NPTX1: variants seen among roughly 807,000 people sequenced by gnomAD.
NPTX1 encodes neuronal pentraxin 1.
A neutral mutation model predicts 38.7 loss-of-function variants in NPTX1; 12 were observed. That is an observed-to-expected ratio of 0.31 (90% CI 0.20 to 0.50). The LOEUF is 0.50. NPTX1 is among the 20% of genes least tolerant of loss of function. The pLI is 0.98. For missense variants in NPTX1, 454 were observed against 592.2 expected (o/e 0.77, Z 2.42); for synonymous variants, 272 against 264.9 (o/e 1.03, Z -0.26).
intron 3 of NPTX1, among the ~76,000 whole-genome samples, chr17:80,472,474 G>A (rs1245988125): frequency 2.0e-5 from 3 of 152,194 alleles, no homozygotes; most frequent in African/African-American, 4.8e-5. Flanking sequence ...TCCAGGTCGG[G>A]AGGATGACGG....
chr17:80,471,571 G>A (rs1439280886), intron 4 of NPTX1, among the ~76,000 whole-genome samples, 161 bp downstream of exon 4: 3 of 152,222 alleles, frequency 2.0e-5, no homozygotes, highest in African/African-American at 7.2e-5. Context: ...AAGTTCAAGT[G>A]CATGTCCACC....
rs2083826781 is a variant in NPTX1 at position 80,469,533 on chromosome 17, G to A, written c.*1280C>T. 1 of 152,416 alleles carries A rather than the reference G, an allele frequency of 6.6e-6. No individual in the cohort carries two copies. The highest frequency in any genetic ancestry group is 2.1e-4 in the South Asian group (1 of 4,834). The allele number at this position is 152,416 out of a possible 1,614,324, so 9.4% of individuals were successfully genotyped here. On this transcript the variant is annotated 3_prime_UTR_variant, in exon 5 of 5. Transcript: ENST00000306773. The stretch of plus-strand genomic sequence containing the variant: ...GCTCAGGTGTCAGTGTCGCCGGCCA[G>A]TGGCAGCTTGTGGGCTGCTGTAGGC...
chr17:80,471,855 G>T lies in NPTX1; in HGVS notation c.954C>A (p.Thr318=), dbSNP rs768187298. Residue 318 remains threonine (T), a synonymous_variant, in exon 4 of 5, where the codon ACC becomes ACA. Coordinates refer to ENST00000306773, the MANE Select transcript of NPTX1 (RefSeq NM_002522.4). ...CCCAGACCCCGTCCCGGGTGGTCCA[G>T]GTGACACAGATGTGGTGCCACTTGC... The part of the protein sequence containing the change: ...NDGKWHHICV[T]WTTRDGVWEA... 1 of 1,613,700 alleles carries T rather than the reference G, an allele frequency of 6.2e-7. No homozygotes were observed.
rs1445274279 is a variant in NPTX1 at position 80,469,508 on chromosome 17, G to T, written c.*1305C>A. The T allele has an allele frequency of 6.6e-6, 1 of 152,306 alleles. No homozygotes were observed. Among genetic ancestry groups the T allele is most frequent in the Non-Finnish European group, 1.5e-5 (1 of 68,064 alleles). The allele number at this position is 152,306 out of a possible 1,614,324, so 9.4% of individuals were successfully genotyped here. A position where few individuals can be genotyped will look rare whatever the true frequency, so the allele number is the denominator to read the frequency against. Reference sequence around the variant, plus strand: ...AAAAGGCAAAAAGGTTCTGGACACTGCTCAGGTGTCAGTGTCGCCGGCCAG... The same window carrying T: ...AAAAGGCAAAAAGGTTCTGGACACTTCTCAGGTGTCAGTGTCGCCGGCCAG... On this transcript the variant is annotated 3_prime_UTR_variant, in exon 5 of 5. Coordinates refer to ENST00000306773, the MANE Select transcript of NPTX1 (RefSeq NM_002522.4).
intron 3 of NPTX1, 55 bp from the exon 4 acceptor site, chr17:80,471,966 G>A: frequency 6.7e-7 from 1 of 1,487,510 alleles, no homozygotes; most frequent in Non-Finnish European, 9.0e-7. Flanking sequence ...CAGCCCAGAA[G>A]CCATAATCTT....
chr17:80,469,691 G>C lies in NPTX1; in HGVS notation c.*1122C>G, dbSNP rs977552717. The stretch of plus-strand genomic sequence containing the variant: ...ACCTGGCGCCTGGTGTGCTGGGAGG[G>C]ATATGGCTGTCAAAGTCCCCCAAAA... On this transcript the variant is annotated 3_prime_UTR_variant, in exon 5 of 5. Transcript: ENST00000306773. 2 of 152,300 alleles carry C rather than the reference G, an allele frequency of 1.3e-5. No homozygotes were observed. The highest frequency in any genetic ancestry group is 4.8e-5 in the African/African-American group (2 of 41,476). 9.4% of individuals were successfully genotyped at this position (152,300 alleles called of 1,614,324 possible).
At position 80,467,424 on chromosome 17, in the gene NPTX1, A is replaced by T. The variant is rs1363387637; in HGVS notation, c.*3389T>A. The T allele has an allele frequency of 6.6e-6, 1 of 152,506 alleles. No homozygotes were observed. Among genetic ancestry groups the T allele is most frequent in the Admixed American group, 6.5e-5 (1 of 15,284 alleles). 9.4% of individuals were successfully genotyped at this position (152,506 alleles called of 1,614,324 possible). ...TATCAAGGTTAGAACTGATATTCAA[A>T]TCCTCGGCTCATTCCACTTAGTAAG... On this transcript the variant is annotated 3_prime_UTR_variant, in exon 5 of 5. Transcript: ENST00000306773.
rs756269593 is a variant in NPTX1 at position 80,471,795 on chromosome 17, G to A, written c.1014C>T (p.Gly338=). 5.0e-6 allele frequency: 8 copies of A among 1,613,282 alleles called. No homozygotes were observed. The highest frequency in any genetic ancestry group is 1.6e-4 in the Middle Eastern group (1 of 6,082). Residue 338 remains glycine, a synonymous_variant, in exon 4 of 5, where the codon GGC becomes GGT. Transcript: ENST00000306773. Reference sequence around the variant, plus strand: ...TGGGGTGATAGGGCGCCAAGTTCTCGCCACTGCCACCCTGCGTGCCATCCT... The same window carrying A: ...TGGGGTGATAGGGCGCCAAGTTCTCACCACTGCCACCCTGCGTGCCATCCT... ...AYQDGTQGGS[G]ENLAPYHPIK...
chr17:80,476,111 G>T lies in NPTX1; in HGVS notation c.336C>A (p.Gly112=), dbSNP rs746710471. The change falls in exon 1 of 5, where the codon GGC becomes GGA. Residue 112 remains glycine (G), a synonymous_variant. Coordinates refer to ENST00000306773, the MANE Select transcript of NPTX1 (RefSeq NM_002522.4). The surrounding 1 kb of genome is among the most constrained non-coding windows in gnomAD (Gnocchi z 6.3). ...ARAGGGRKQP[G]SGKNTMGDLS... ...GGTCGCCCATGGTGTTCTTGCCCGA[G>T]CCGGGCTGCTTGCGGCCGCCGCCCG... The T allele has an allele frequency of 1.2e-6, 2 of 1,602,282 alleles. No individual in the cohort carries two copies. The highest frequency in any genetic ancestry group is 1.7e-6 in the Non-Finnish European group (2 of 1,176,940).
chr17:80,473,696 T>C (rs12938028), intron 2 of NPTX1: 264,542 of 516,424 alleles, frequency 0.51, 69,269 homozygotes, highest in Admixed American at 0.61. Context: ...CTGGCATCCT[T>C]GGGGAGATGG....
At chr17:80,471,968 C>T in intron 3 of NPTX1, 57 bp from the exon 4 acceptor site, 2 of 1,471,150 alleles carry the variant, frequency 1.4e-6, no homozygotes, top group Non-Finnish European at 1.8e-6. Flanking sequence ...GCCCAGAAGC[C>T]ATAATCTTCA....
chr17:80,471,985 C>T, intron 3 of NPTX1, 74 bp from the exon 4 acceptor site: 6 of 1,314,842 alleles, frequency 4.6e-6, no homozygotes, highest in Non-Finnish European at 5.2e-6. Flanking sequence ...TTCACTGCCT[C>T]AGTTGTTCCT....
Position 80,473,302 on chromosome 17 carries a change from T to C in NPTX1, c.795A>G (p.Pro265=). The change falls in exon 3 of 5, where the codon CCA becomes CCG. Residue 265 remains proline, a synonymous_variant. Transcript: ENST00000306773. ...VCMWLKSSAT[P]GVGTPFSYAV... ...CGTAGGAGAAGGGCGTGCCCACACCTGGCGTGGCGCTGGACTTGAGCCACA... is the reference window on the plus strand; with the variant it reads ...CGTAGGAGAAGGGCGTGCCCACACCCGGCGTGGCGCTGGACTTGAGCCACA... 1.2e-6 allele frequency: 2 copies of C among 1,614,010 alleles called. No homozygotes were observed. The highest frequency in any genetic ancestry group is 1.3e-5 in the African/African-American group (1 of 75,060).
At position 80,473,362 on chromosome 17, in the gene NPTX1, C is replaced by T. The variant is rs1448721586; in HGVS notation, c.735G>A (p.Lys245=). 1 of 1,614,088 alleles carries T rather than the reference C, an allele frequency of 6.2e-7. No individual in the cohort carries two copies. The highest frequency in any genetic ancestry group is 2.2e-5 in the East Asian group (1 of 44,878). The change falls in exon 3 of 5, where the codon AAG becomes AAA. Residue 245 remains lysine, a synonymous_variant. Coordinates refer to ENST00000306773, the MANE Select transcript of NPTX1 (RefSeq NM_002522.4). ...RTNYMYAKVK[K]SLPEMYAFTV... is the part of the protein sequence containing the mutation. ...TGAAGGCGTACATCTCTGGCAGGCT[C>T]TTCTTCACCTTGGCATACATATAGT...
chr17:80,471,701 C>T (rs2083843225), intron 4 of NPTX1, 31 bp downstream of exon 4: 1 of 1,587,904 alleles, frequency 6.3e-7, no homozygotes, highest in Admixed American at 1.7e-5. Flanking sequence ...CTGAAGCTCT[C>T]TCCCCTTCCC....
Position 80,467,435 on chromosome 17 carries a change from A to G in NPTX1, c.*3378T>C, listed in dbSNP as rs1463680583. 1 of 152,594 alleles carries G rather than the reference A, an allele frequency of 6.6e-6. No individual in the cohort carries two copies. Among genetic ancestry groups the G allele is most frequent in the Non-Finnish European group, 1.5e-5 (1 of 68,042 alleles). The allele number at this position is 152,594 out of a possible 1,614,324, so 9.5% of individuals were successfully genotyped here. The stretch of plus-strand genomic sequence containing the variant: ...GAACTGATATTCAAATCCTCGGCTC[A>G]TTCCACTTAGTAAGTCAGCTCCAAG... On this transcript the variant is annotated 3_prime_UTR_variant, in exon 5 of 5. Transcript: ENST00000306773.
At chr17:80,474,020 G>A (rs1039644873) in intron 2 of NPTX1, 3 of 156,638 alleles carry the variant, frequency 1.9e-5, no homozygotes, top group African/African-American at 7.2e-5. Context: ...TGTGAGGCTG[G>A]GCAGCTCCCC....
rs527273166 is a variant in NPTX1 at position 80,470,631 on chromosome 17, C to A, written c.*182G>T. 5.5e-6 allele frequency: 3 copies of A among 549,588 alleles called. No homozygotes were observed. The highest frequency in any genetic ancestry group is 9.8e-6 in the Non-Finnish European group (3 of 306,766). The allele number at this position is 549,588 out of a possible 1,614,324, so 34.0% of individuals were successfully genotyped here. A position where few individuals can be genotyped will look rare whatever the true frequency, so the allele number is the denominator to read the frequency against. On this transcript the variant is annotated 3_prime_UTR_variant, in exon 5 of 5. Transcript: ENST00000306773. ...CAGAGAAGTGGGGCTTCCTCAGGGA[C>A]AGATGGGAGCAGGGGCTGCTTCGTG... is the stretch of plus-strand genomic sequence containing the variant.
intron 4 of NPTX1, 82 bp downstream of exon 4, chr17:80,471,650 C>G (rs2083842757): frequency 1.3e-6 from 2 of 1,527,040 alleles, no homozygotes; most frequent in Non-Finnish European, 1.8e-6. Flanking sequence ...CCGGCTACCT[C>G]CCTCCCTCCT....
Sources: gnomAD v4.1 joint callset for allele counts (sites outside exome capture counted in the v4.1 genomes callset) on GRCh38, gnomAD v4.1.1 for gene constraint, Gnocchi (gnomAD v3.1) non-coding constraint, MANE v1.5 for transcripts, NCBI Gene and HGNC (gene_info 2026-07-23, HGNC 2026-07-21) for gene names.